SPATA6L: variants seen among roughly 807,000 people sequenced by gnomAD.
The protein encoded by SPATA6L is spermatogenesis associated 6-like protein.
A neutral mutation model predicts 49.2 loss-of-function variants in SPATA6L; 68 were observed. That is an observed-to-expected ratio of 1.38 (90% CI 1.14 to 1.69). The LOEUF is 1.69. Ranked by LOEUF, SPATA6L falls within the 40% of genes most tolerant of loss-of-function variation. The pLI, the probability that SPATA6L is intolerant of heterozygous loss-of-function variation, is 0.00. For missense variants in SPATA6L, 668 were observed against 464.3 expected, an observed-to-expected ratio of 1.44 and a Z score of -4.03; for synonymous variants, 198 against 165.7, an observed-to-expected ratio of 1.19 and a Z score of -1.50.
At chr9:4,606,339 G>T (rs1432458523) in intron 9 of SPATA6L, among the ~76,000 whole-genome samples, 1 of 140,180 alleles carries the variant, frequency 7.1e-6, no homozygotes, top group Non-Finnish European at 1.5e-5. Flanking sequence ...GCCACGTCTG[G>T]GGGCAGGGCA....
At chr9:4,651,138 T>C (rs1181518449) in intron 3 of SPATA6L, among the ~76,000 whole-genome samples, 5 of 151,994 alleles carry the variant, frequency 3.3e-5, no homozygotes, top group East Asian at 1.9e-4. Flanking sequence ...GAGAAGCAAA[T>C]ACCACAGGCA....
intron 3 of SPATA6L, among the ~76,000 whole-genome samples, chr9:4,643,082 A>G (rs1306808644): frequency 6.6e-6 from 1 of 151,988 alleles, no homozygotes; most frequent in African/African-American, 2.4e-5. Flanking sequence ...ATCTTAGCTC[A>G]TTGCAACCTC....
At chr9:4,592,703 C>T (rs565387181) in intron 13 of SPATA6L, among the ~76,000 whole-genome samples, 1 of 152,176 alleles carries the variant, frequency 6.6e-6, no homozygotes, top group African/African-American at 2.4e-5. Context: ...AGCATAGTAG[C>T]TATAGTTAAT....
chr9:4,638,776 T>G (rs372031783), intron 3 of SPATA6L, among the ~76,000 whole-genome samples: 6 of 141,952 alleles, frequency 4.2e-5, no homozygotes, highest in African/African-American at 1.8e-4. Context: ...TTTTCTTTTC[T>G]TTTCTTTTCT....
intron 3 of SPATA6L, among the ~76,000 whole-genome samples, chr9:4,652,996 C>A (rs993502325): frequency 6.6e-6 from 1 of 152,182 alleles, no homozygotes; most frequent in African/African-American, 2.4e-5. Context: ...TAGCTGGCTT[C>A]TTTGCAGACA....
At chr9:4,648,398 G>C (rs1309126673) in intron 3 of SPATA6L, among the ~76,000 whole-genome samples, 1 of 152,012 alleles carries the variant, frequency 6.6e-6, no homozygotes, top group Non-Finnish European at 1.5e-5. Context: ...GGAATAGATG[G>C]TGTTTGATTA....
intron 2 of SPATA6L, among the ~76,000 whole-genome samples, chr9:4,657,029 T>C (rs917780236): frequency 2.6e-5 from 4 of 152,168 alleles, no homozygotes; most frequent in Non-Finnish European, 5.9e-5. Context: ...CATTGTAATA[T>C]CTGTCTAGCC....
intron 7 of SPATA6L, among the ~76,000 whole-genome samples, chr9:4,621,645 C>T (rs145572200): frequency 2.5e-4 from 38 of 152,218 alleles, no homozygotes; most frequent in African/African-American, 8.2e-4. Context: ...TGTGCCACCA[C>T]GCCCGGCTAA....
intron 4 of SPATA6L, 73 bp from the exon 5 acceptor site, chr9:4,629,241 A>C: frequency 2.0e-6 from 2 of 1,016,772 alleles, no homozygotes; most frequent in South Asian, 1.4e-5. Context: ...CTAACTTGAA[A>C]TCATACAAGA....
rs138488930 is a variant in SPATA6L at position 4,604,954 on chromosome 9, T to G, written c.1089+393A>C. Among the ~76,000 whole-genome samples, 117 of 152,330 alleles carry G rather than the reference T, an allele frequency of 7.7e-4. 1 individual carries two copies. The highest frequency in any genetic ancestry group is 2.7e-3 in the African/African-American group (114 of 41,576). ...ACAACTTTCTTCCATGTTGTGGCCT[T>G]ACATAGCTCACACAAACAACTGTAT... is the stretch of plus-strand genomic sequence containing the variant. On this transcript the variant is annotated intron_variant, in intron 10 of 11. Transcript: ENST00000682582.
At chr9:4,661,234 T>G (rs1430116341) in intron 2 of SPATA6L, among the ~76,000 whole-genome samples, 1 of 152,232 alleles carries the variant, frequency 6.6e-6, no homozygotes, top group Non-Finnish European at 1.5e-5. Context: ...ATTAGACTTA[T>G]TAAGGTTAAA....
intron 13 of SPATA6L, among the ~76,000 whole-genome samples, chr9:4,590,574 C>T (rs537809669): frequency 6.6e-6 from 1 of 152,258 alleles, no homozygotes; most frequent in African/African-American, 2.4e-5. Context: ...CAATTACATT[C>T]CTTTGATTAT....
At chr9:4,623,215 G>C (rs1417850177) in intron 6 of SPATA6L, among the ~76,000 whole-genome samples, 1 of 152,188 alleles carries the variant, frequency 6.6e-6, no homozygotes, top group African/African-American at 2.4e-5. Context: ...GGGAGGCGAA[G>C]ATTGCGGTGA....
In SPATA6L at chr9:4,662,961, C is replaced by T. The variant is rs1410502412; in HGVS notation, c.40-925G>A. On this transcript the variant is annotated intron_variant, in intron 1 of 11. Transcript: ENST00000682582. The surrounding 1 kb of genome is among the most constrained non-coding windows in gnomAD (Gnocchi z 4.9). ...CCGCAGGCGCCGCCCGGCCCACAACCAGATGGACATGTTTGTCACTCTCTC... is the reference window on the plus strand; with the variant it reads ...CCGCAGGCGCCGCCCGGCCCACAACTAGATGGACATGTTTGTCACTCTCTC... The T allele has an allele frequency of 1.9e-6, 3 of 1,612,706 alleles. No individual in the cohort carries two copies. The highest frequency in any genetic ancestry group is 2.5e-6 in the Non-Finnish European group (3 of 1,179,938).
At chr9:4,648,658 C>A (rs1410279075) in intron 3 of SPATA6L, among the ~76,000 whole-genome samples, 2 of 149,752 alleles carry the variant, frequency 1.3e-5, no homozygotes, top group Non-Finnish European at 3.0e-5. Context: ...CGAGATTGCG[C>A]CACTGCACTC....
chr9:4,651,478 G>A (rs1385456), intron 3 of SPATA6L, among the ~76,000 whole-genome samples: 64,151 of 151,942 alleles, frequency 0.42, 13,604 homozygotes, highest in East Asian at 0.57. Flanking sequence ...GAAGAGGACA[G>A]AACATACCCC....
Position 4,622,462 on chromosome 9 carries a change from T to A in SPATA6L, c.718A>T (p.Arg240Trp), listed in dbSNP as rs542226869. The A allele has an allele frequency of 2.7e-5, 43 of 1,613,904 alleles. No homozygotes were observed. The East Asian group carries it at 8.9e-4, about 33-fold the overall frequency. The change falls in exon 7 of 12, where the codon AGG becomes TGG. Residue 240 changes from arginine to tryptophan, a missense_variant. By Grantham distance (101) the Arg-to-Trp change is moderately radical. Coordinates refer to ENST00000682582, the MANE Select transcript of SPATA6L (RefSeq NM_001353486.2). Reference protein sequence around the residue: ...FGENISEHHLRRSRRKSKFSD... With the variant: ...FGENISEHHLWRSRRKSKFSD... Reference sequence around the variant, plus strand: ...AACTTAGATTTTCTTCTAGACCTCCTCAAATGATGCTCTGAAATATTCTCA... The same window carrying A: ...AACTTAGATTTTCTTCTAGACCTCCACAAATGATGCTCTGAAATATTCTCA...
intron 13 of SPATA6L, among the ~76,000 whole-genome samples, chr9:4,589,550 A>C (rs1456044952): frequency 1.3e-5 from 2 of 152,198 alleles, no homozygotes; most frequent in African/African-American, 4.8e-5. Flanking sequence ...TATCAAACTT[A>C]ATTTTTTCTA....
intron 11 of SPATA6L, among the ~76,000 whole-genome samples, chr9:4,601,445 ACTCTGTT>A (rs1823247990): frequency 6.6e-6 from 1 of 151,134 alleles, no homozygotes; most frequent in Admixed American, 6.6e-5. Flanking sequence ...TACAAGGGAT[ACTCTGTT>A]TATACCAAAA....
Sources: allele counts gnomAD v4.1 joint callset (sites outside exome capture counted in the v4.1 genomes callset), GRCh38; gene constraint gnomAD v4.1.1; non-coding constraint Gnocchi (gnomAD v3.1); transcripts MANE v1.5; gene names NCBI Gene and HGNC (gene_info 2026-07-23, HGNC 2026-07-21).